Variants in EPB41L4A observed in about 807,000 individuals in gnomAD.
EPB41L4A encodes the protein band 4.1-like protein 4A.
In EPB41L4A, 100 loss-of-function variants were observed where a neutral mutation model predicts 108.6. The ratio of observed to expected loss-of-function variants is 0.92; its 90% CI spans 0.78 to 1.09. The LOEUF (loss-of-function observed/expected upper bound fraction) is 1.09. EPB41L4A is among the 50% of genes least tolerant of loss of function. The pLI is 0.00. For missense variants in EPB41L4A, 1,030 were observed against 842.7 expected (o/e 1.22, Z -2.75); for synonymous variants, 319 against 289.0 (o/e 1.10, Z -1.05).
intron 12 of EPB41L4A, among the ~76,000 whole-genome samples, chr5:112,212,732 G>C (rs1026008461): frequency 3.3e-5 from 5 of 152,216 alleles, no homozygotes; most frequent in Admixed American, 6.5e-5. Context: ...CTGGGAGAGG[G>C]GGCCACAGCA....
intron 12 of EPB41L4A, among the ~76,000 whole-genome samples, chr5:112,152,197 GA>G (rs201632630): frequency 6.9e-5 from 10 of 144,620 alleles, no homozygotes; most frequent in Admixed American, 2.1e-4. Context: ...AAAGAAAAGA[GA>G]AAAAAAAACA....
chr5:112,367,813 T>C (rs1759229353), intron 1 of EPB41L4A, among the ~76,000 whole-genome samples: 1 of 148,842 alleles, frequency 6.7e-6, no homozygotes, highest in South Asian at 2.1e-4. Flanking sequence ...GTCAATAAAG[T>C]CCTCAGTACC....
At chr5:112,228,061 T>C (rs183805373) in intron 12 of EPB41L4A, among the ~76,000 whole-genome samples, 9 of 152,258 alleles carry the variant, frequency 5.9e-5, no homozygotes, top group African/African-American at 9.6e-5. Flanking sequence ...TGCAGAAACA[T>C]AGTGTGAGCC....
intron 1 of EPB41L4A, among the ~76,000 whole-genome samples, chr5:112,388,481 T>G (rs1760712282): frequency 6.6e-6 from 1 of 152,200 alleles, no homozygotes; most frequent in South Asian, 2.1e-4. Context: ...TTAGAATTTA[T>G]AGTTGGTCAC....
chr5:112,264,526 G>C (rs1233083991), intron 6 of EPB41L4A: 1 of 151,414 alleles, frequency 6.6e-6, no homozygotes, highest in Non-Finnish European at 1.4e-5. Context: ...AGATACTGGT[G>C]ACTGAAAAAA....
At chr5:112,212,711 G>A (rs1253239676) in intron 12 of EPB41L4A, among the ~76,000 whole-genome samples, 1 of 152,136 alleles carries the variant, frequency 6.6e-6, no homozygotes, top group Non-Finnish European at 1.5e-5. Flanking sequence ...TCCTAGGGCT[G>A]TTTTCCTAGG....
intron 17 of EPB41L4A, chr5:112,191,933 G>C (rs1414447654): frequency 6.6e-6 from 1 of 152,216 alleles, no homozygotes; most frequent in African/African-American, 2.4e-5. Flanking sequence ...CTGGGGCTGA[G>C]TTTAGAGACC....
rs187550232 is a variant in EPB41L4A at position 112,180,790 on chromosome 5, T to C, written c.1622+3226A>G. 4.8e-4 allele frequency among the ~76,000 whole-genome samples: 73 copies of C among 152,306 alleles called. 1 individual carries two copies. The East Asian group carries it at 0.013, about 28-fold the overall frequency. On this transcript the variant is annotated intron_variant, in intron 18 of 22. Transcript: ENST00000261486. ...GCAAACCACAGCCTGGGAGAAAGTATTCATTCATAACGTGCATATCTGAAA... is the reference window on the plus strand; with the variant it reads ...GCAAACCACAGCCTGGGAGAAAGTACTCATTCATAACGTGCATATCTGAAA...
At chr5:112,324,729 A>C (rs926438274) in intron 1 of EPB41L4A, among the ~76,000 whole-genome samples, 1 of 151,840 alleles carries the variant, frequency 6.6e-6, no homozygotes, top group South Asian at 2.1e-4. Context: ...CTAAAAAAAA[A>C]AAAAAAAAAA....
At position 112,290,576 on chromosome 5, in the gene EPB41L4A, C is replaced by T. The variant is rs1524427; in HGVS notation, c.205-10253G>A. ...GAAACCTTAGATCTCTGGAAAGTTT[C>T]GACTACATTTTGGGTAAGTGAAGTT... On this transcript the variant is annotated intron_variant, in intron 2 of 22. Transcript: ENST00000261486. Among the ~76,000 whole-genome samples the T allele has an allele frequency of 7.7e-3, 1,178 of 152,188 alleles. 18 individuals are homozygous for T. Among genetic ancestry groups the T allele is most frequent in the African/African-American group, 0.027 (1,112 of 41,520 alleles).
chr5:112,161,400 T>G (rs1329075886), downstream of EPB41L4A: 2 of 431,072 alleles, frequency 4.6e-6, no homozygotes, highest in Non-Finnish European at 9.2e-6. Context: ...TTCTCTGAAA[T>G]GTATTGTCCG....
intron 1 of EPB41L4A, among the ~76,000 whole-genome samples, chr5:112,329,095 G>A (rs1176008235): frequency 6.6e-6 from 1 of 152,202 alleles, no homozygotes; most frequent in Non-Finnish European, 1.5e-5. Flanking sequence ...TGGCTGCTAA[G>A]TCCTTGAAAT....
chr5:112,393,389 T>TA (rs1484634936), intron 1 of EPB41L4A, among the ~76,000 whole-genome samples: 3 of 151,876 alleles, frequency 2.0e-5, no homozygotes, highest in African/African-American at 7.3e-5. Flanking sequence ...ACAGACGCGA[T>TA]AAAAAATGAT....
rs765376107 is a variant in EPB41L4A, at chr5:112,164,590, T to C, written c.*400A>G. ...AACCATGGCCTATAATCCCAGCACT[T>C]TGGGAGGCTGAGGCAGGCGGATCAC... On this transcript the variant is annotated 3_prime_UTR_variant, in exon 23 of 23. Coordinates refer to ENST00000261486, the MANE Select transcript of EPB41L4A (RefSeq NM_022140.5). The C allele has an allele frequency of 4.3e-4, 67 of 154,116 alleles. No homozygotes were observed. Among genetic ancestry groups the C allele is most frequent in the South Asian group, 2.0e-3 (10 of 4,922 alleles). 9.5% of individuals were successfully genotyped at this position (154,116 alleles called of 1,614,324 possible).
chr5:112,369,037 C>A (rs1316175943), intron 1 of EPB41L4A, among the ~76,000 whole-genome samples: 1 of 152,172 alleles, frequency 6.6e-6, no homozygotes, highest in African/African-American at 2.4e-5. Context: ...CCAAAGTCTT[C>A]TCTCCAGCTA....
intron 1 of EPB41L4A, among the ~76,000 whole-genome samples, chr5:112,316,676 G>T (rs941214548): frequency 6.6e-6 from 1 of 152,132 alleles, no homozygotes; most frequent in Non-Finnish European, 1.5e-5. Flanking sequence ...GCTTTTCTCA[G>T]CTATCTATTG....
At chr5:112,419,471 C>G (rs551746149), upstream of EPB41L4A, 131 of 365,268 alleles carry the variant, frequency 3.6e-4, no homozygotes, top group East Asian at 8.7e-3. Flanking sequence ...CGCTGCACCT[C>G]CCTCCTGCCG....
chr5:112,282,624 G>C (rs751036084), intron 2 of EPB41L4A, among the ~76,000 whole-genome samples: 1 of 152,124 alleles, frequency 6.6e-6, no homozygotes, highest in East Asian at 1.9e-4. Flanking sequence ...TAAGGGAGAG[G>C]GCTTATGGAT....
chr5:112,203,292 T>A (rs1383015084), intron 15 of EPB41L4A, among the ~76,000 whole-genome samples: 2 of 151,728 alleles, frequency 1.3e-5, no homozygotes, highest in East Asian at 3.9e-4. Flanking sequence ...GGGGGCAGAG[T>A]TTGCAGTGAG....
Sources: allele counts gnomAD v4.1 joint callset (sites outside exome capture counted in the v4.1 genomes callset), GRCh38; gene constraint gnomAD v4.1.1; transcripts MANE v1.5; gene names NCBI Gene and HGNC (gene_info 2026-07-23, HGNC 2026-07-21).